PRDM1: variants seen among roughly 807,000 people sequenced by gnomAD.
The protein encoded by PRDM1 is PR domain zinc finger protein 1.
A neutral mutation model predicts 62.8 loss-of-function variants in PRDM1; 13 were observed. The observed-to-expected ratio is 0.21, with a 90% CI of 0.13 to 0.33. The LOEUF is 0.33. Among genes scored for constraint, PRDM1 ranks in the 10% least tolerant of loss-of-function variants. The pLI, the probability that PRDM1 is intolerant of heterozygous loss-of-function variation, is 1.00. For missense variants in PRDM1, 895 were observed against 1,058.8 expected, an observed-to-expected ratio of 0.85 and a Z score of 2.15; for synonymous variants, 396 against 417.6, an observed-to-expected ratio of 0.95 and a Z score of 0.63.
intron 4 of PRDM1, among the ~76,000 whole-genome samples, chr6:106,103,254 G>T (rs1265800907): frequency 2.0e-5 from 3 of 152,074 alleles, no homozygotes; most frequent in Non-Finnish European, 4.4e-5. Flanking sequence ...TCTCAAATTG[G>T]AATCGAATCC....
intron 4 of PRDM1, chr6:106,100,693 CTTCA>C (rs1774243269): frequency 6.6e-6 from 1 of 152,190 alleles, no homozygotes; most frequent in African/African-American, 2.4e-5. Flanking sequence ...TCATTCCACA[CTTCA>C]TTTTACTTGA....
rs138316430 is a variant in PRDM1 at position 106,049,939 on chromosome 6, A to C, written c.-67+1225A>C. The stretch of plus-strand genomic sequence containing the variant: ...AGGCCATTGAGAATTTCATACCCAC[A>C]CTTTCACCCTCATTCTAACCTGCTG... On this transcript the variant is annotated intron_variant, in intron 1 of 6. Coordinates refer to the PRDM1 transcript ENST00000651185. 1.8e-3 allele frequency among the ~76,000 whole-genome samples: 270 copies of C among 152,190 alleles called. 2 individuals carry two copies. The highest frequency in any genetic ancestry group is 7.9e-3 in the South Asian group (38 of 4,810).
intron 1 of PRDM1, among the ~76,000 whole-genome samples, chr6:106,041,262 C>G (rs1017640401): frequency 6.6e-6 from 1 of 152,134 alleles, no homozygotes; most frequent in Non-Finnish European, 1.5e-5. Flanking sequence ...TAAAATATCT[C>G]CCAGGCCCTA....
chr6:106,015,527 A>G (rs957217309), intron 1 of PRDM1, among the ~76,000 whole-genome samples: 6 of 152,098 alleles, frequency 3.9e-5, no homozygotes, highest in African/African-American at 1.4e-4. Flanking sequence ...CTGTTTGCTA[A>G]AGAAACACTA....
intron 1 of PRDM1, among the ~76,000 whole-genome samples, chr6:106,011,675 G>T (rs868407018): frequency 6.6e-6 from 1 of 152,028 alleles, no homozygotes; most frequent in Non-Finnish European, 1.5e-5. Context: ...GTTGGAGTCC[G>T]AAGTCCCAGG....
intron 1 of PRDM1, among the ~76,000 whole-genome samples, chr6:106,051,512 C>G (rs1773174358): frequency 6.6e-6 from 1 of 152,200 alleles, no homozygotes; most frequent in Non-Finnish European, 1.5e-5. Context: ...CTGTAAATGT[C>G]TTTAAGATCA....
chr6:106,100,274 C>A (rs543775055), intron 4 of PRDM1: 1 of 152,332 alleles, frequency 6.6e-6, no homozygotes, highest in Non-Finnish European at 1.5e-5. Flanking sequence ...TTAAGAATTG[C>A]CATAAGATTC....
chr6:106,044,597 T>C (rs1295508194), upstream of PRDM1, among the ~76,000 whole-genome samples: 1 of 152,230 alleles, frequency 6.6e-6, no homozygotes, highest in East Asian at 1.9e-4. Flanking sequence ...TGGAAATTCT[T>C]TATTTTCTGA....
chr6:106,083,662 A>G (rs1773735993), upstream of PRDM1, among the ~76,000 whole-genome samples: 1 of 152,242 alleles, frequency 6.6e-6, no homozygotes, highest in Non-Finnish European at 1.5e-5. Context: ...TGGCTCATTC[A>G]TGATTTGCTG....
chr6:106,014,306 C>T (rs993207033), intron 1 of PRDM1, among the ~76,000 whole-genome samples: 1 of 151,800 alleles, frequency 6.6e-6, no homozygotes, highest in Non-Finnish European at 1.5e-5. Context: ...GTAATCCGCC[C>T]GCCTCTGCCT....
intron 1 of PRDM1, among the ~76,000 whole-genome samples, chr6:106,079,006 GC>G (rs1773647371): frequency 6.6e-6 from 1 of 151,702 alleles, no homozygotes; most frequent in Non-Finnish European, 1.5e-5. Flanking sequence ...TGTCGCCCAG[GC>G]TGGAGTGCAG....
chr6:106,025,289 T>G (rs1772749463), intron 1 of PRDM1, among the ~76,000 whole-genome samples: 1 of 152,228 alleles, frequency 6.6e-6, no homozygotes, highest in Non-Finnish European at 1.5e-5. Flanking sequence ...ACAGCTGTAT[T>G]CCTTTGTGTT....
chr6:106,086,735 C>T, intron 1 of PRDM1, 140 bp downstream of exon 1: 1 of 707,444 alleles, frequency 1.4e-6, no homozygotes, highest in South Asian at 2.0e-5. Context: ...GCACTTAGTG[C>T]TGTCAAACAT....
intron 2 of PRDM1, among the ~76,000 whole-genome samples, chr6:106,093,400 A>T (rs926199168): frequency 3.3e-5 from 5 of 152,248 alleles, no homozygotes; most frequent in Non-Finnish European, 7.3e-5. Flanking sequence ...AATTTAAAAC[A>T]AAGTTGATGA....
intron 1 of PRDM1, among the ~76,000 whole-genome samples, chr6:106,063,457 G>T (rs1046351888): frequency 2.6e-5 from 4 of 152,082 alleles, no homozygotes; most frequent in African/African-American, 9.7e-5. Flanking sequence ...TCATTTTCAG[G>T]TATTCAGGAA....
chr6:106,034,724 CG>C (rs1273524167), intron 1 of PRDM1, among the ~76,000 whole-genome samples: 1 of 150,920 alleles, frequency 6.6e-6, no homozygotes, highest in African/African-American at 2.4e-5. Context: ...CTCCACCTCC[CG>C]GGTTCAAGTG....
At chr6:106,002,349 T>A (rs1325912144) in intron 1 of PRDM1, among the ~76,000 whole-genome samples, 2 of 152,190 alleles carry the variant, frequency 1.3e-5, no homozygotes, top group Admixed American at 6.5e-5. Flanking sequence ...GAATTGCTTA[T>A]AAACATTTAC....
chr6:105,997,471 A>C (rs1207149159), intron 1 of PRDM1, among the ~76,000 whole-genome samples: 2 of 152,172 alleles, frequency 1.3e-5, no homozygotes, highest in Non-Finnish European at 2.9e-5. Context: ...CCTTTCTTTA[A>C]AAAAATTGTT....
At chr6:106,029,366 G>A (rs1211458047) in intron 1 of PRDM1, among the ~76,000 whole-genome samples, 1 of 152,176 alleles carries the variant, frequency 6.6e-6, no homozygotes, top group African/African-American at 2.4e-5. Flanking sequence ...AGTTGGTCCA[G>A]CACCATATGT....
Sources: gnomAD v4.1 joint callset for allele counts (sites outside exome capture counted in the v4.1 genomes callset) on GRCh38, gnomAD v4.1.1 for gene constraint, MANE v1.5 for transcripts, NCBI Gene and HGNC (gene_info 2026-07-23, HGNC 2026-07-21) for gene names.